Variants in MEP1A observed in about 807,000 individuals in gnomAD.
MEP1A encodes the protein meprin A subunit alpha, also known as N-benzoyl-L-tyrosyl-P-amino-benzoic acid hydrolase subunit alpha.
Under a neutral mutation model 84.5 loss-of-function variants are expected in MEP1A, and 68 were observed. The ratio of observed to expected loss-of-function variants is 0.80; its 90% confidence interval spans 0.66 to 0.98. The LOEUF (loss-of-function observed/expected upper bound fraction) is 0.98, where lower values mean the gene tolerates loss of function less well. Ranked by LOEUF, MEP1A falls within the 50% of genes least tolerant of loss-of-function variation. The pLI, the probability that MEP1A is intolerant of heterozygous loss-of-function variation, is 0.00. For synonymous variants in MEP1A, 337 were observed against 336.8 expected (o/e 1.00, Z -0.01); for missense variants, 887 against 919.9 (o/e 0.96, Z 0.46).
chr6:46,832,542 A>G (rs572068310), intron 10 of MEP1A, among the ~76,000 whole-genome samples: 1 of 152,356 alleles, frequency 6.6e-6, no homozygotes, highest in Admixed American at 6.5e-5. Flanking sequence ...TATAAGGAAG[A>G]GAAAAAAGTC....
intron 6 of MEP1A, among the ~76,000 whole-genome samples, chr6:46,809,998 T>G (rs1020852113): frequency 2.6e-5 from 4 of 152,022 alleles, no homozygotes; most frequent in African/African-American, 7.2e-5. Flanking sequence ...GATTGCTGGA[T>G]CAAATGGTAG....
At chr6:46,805,859 C>T (rs1027735301) in intron 5 of MEP1A, among the ~76,000 whole-genome samples, 1 of 151,902 alleles carries the variant, frequency 6.6e-6, no homozygotes, top group Non-Finnish European at 1.5e-5. Context: ...AAATATTTTT[C>T]TGTGTTTCTC....
rs1427312904 is a variant in MEP1A at position 46,807,820 on chromosome 6, AAAGAAAGAAAGAAAGAAAGG to A, written c.263-1592_263-1573del. Among the ~76,000 whole-genome samples the A allele has an allele frequency of 6.6e-4, 99 of 149,312 alleles. 1 individual carries two copies. The highest frequency in any genetic ancestry group is 9.4e-4 in the Non-Finnish European group (63 of 66,972). ...GAAAGAAAGAAAGAAAGAAAGAAAG[AAAGAAAGAAAGAAAGAAAGG>A]AAGAAAGGAAATAAATCAGTCAAAT... On this transcript the variant is annotated intron_variant, in intron 5 of 13. Coordinates refer to ENST00000230588, the MANE Select transcript of MEP1A (RefSeq NM_005588.3).
rs374111603 is a variant in MEP1A at position 46,810,534 on chromosome 6, C to T, written c.380+997C>T. On this transcript the variant is annotated intron_variant, in intron 6 of 13. Coordinates refer to ENST00000230588, the MANE Select transcript of MEP1A (RefSeq NM_005588.3). ...TGCTTTTAGCTTCTTGTCATGAAGTCTTTGCCTACGCCAATGTCTAGAAGG... is the reference window on the plus strand; with the variant it reads ...TGCTTTTAGCTTCTTGTCATGAAGTTTTTGCCTACGCCAATGTCTAGAAGG... Among the ~76,000 whole-genome samples the T allele has an allele frequency of 1.2e-4, 18 of 152,234 alleles. No homozygotes were observed. In the South Asian group the frequency reaches 3.5e-3, roughly 30 times the overall value.
Position 46,825,306 on chromosome 6 carries a change from C to G in MEP1A, c.591C>G (p.Ser197Arg). ...ACAACTTTGACACCTATGATGATAG[C>G]TTAATCACAGACCTCAATACACCCT... ...YQHNFDTYDD[S>R]LITDLNTPYD... Residue 197 changes from serine to arginine, a missense_variant, in exon 8 of 14, where the codon AGC becomes AGG. By Grantham distance (110) the Ser-to-Arg change is moderately radical. Transcript: ENST00000230588. The G allele has an allele frequency of 6.2e-7, 1 of 1,613,346 alleles. No homozygotes were observed. The highest frequency in any genetic ancestry group is 1.3e-5 in the African/African-American group (1 of 74,924).
At position 46,835,428 on chromosome 6, in the gene MEP1A, G is replaced by A. The variant is rs140317133; in HGVS notation, c.1963G>A (p.Val655Met). 1.5e-5 allele frequency: 24 copies of A among 1,612,326 alleles called. No homozygotes were observed. The African/African-American group carries it at 3.2e-4, about 21-fold the overall frequency. Residue 655 changes from valine (V) to methionine (M), a missense_variant, in exon 13 of 14, where the codon GTG becomes ATG. Coordinates refer to ENST00000230588, the MANE Select transcript of MEP1A (RefSeq NM_005588.3). ...GCAGCCCAGCCGACAGAAGCGGTCG[G>A]TGGAGAACACAGGCCCCCTGGAGGA... ...QGQPSRQKRS[V>M]ENTGPLEDHN...
At chr6:46,831,019 A>C (rs1768063217) in intron 10 of MEP1A, among the ~76,000 whole-genome samples, 1 of 152,230 alleles carries the variant, frequency 6.6e-6, no homozygotes, top group Non-Finnish European at 1.5e-5. Flanking sequence ...AAATCAATCA[A>C]GCAAACATCC....
chr6:46,800,312 T>C (rs9472866), intron 5 of MEP1A, among the ~76,000 whole-genome samples: 106,098 of 152,032 alleles, frequency 0.7, 38,044 homozygotes, highest in African/African-American at 0.86. Flanking sequence ...AGGTGTAAGG[T>C]AGTGCTTCTC....
At chr6:46,824,395 T>C (rs1767851467) in intron 7 of MEP1A, among the ~76,000 whole-genome samples, 1 of 147,628 alleles carries the variant, frequency 6.8e-6, no homozygotes, top group South Asian at 2.1e-4. Context: ...ATTACAATAT[T>C]ATATATGTTA....
chr6:46,808,212 C>T (rs773351246), intron 5 of MEP1A, among the ~76,000 whole-genome samples: 76 of 151,986 alleles, frequency 5.0e-4, no homozygotes, highest in Admixed American at 9.8e-4. Context: ...ACAGATGTAA[C>T]TAAGTAAGAA....
At chr6:46,813,430 A>G (rs1767553943) in intron 6 of MEP1A, among the ~76,000 whole-genome samples, 1 of 152,126 alleles carries the variant, frequency 6.6e-6, no homozygotes, top group African/African-American at 2.4e-5. Flanking sequence ...GCCTACATCA[A>G]AAGTCTGAAA....
At chr6:46,793,970 T>G (rs1440347329) in intron 3 of MEP1A, among the ~76,000 whole-genome samples, 2 of 152,064 alleles carry the variant, frequency 1.3e-5, no homozygotes, top group East Asian at 3.9e-4. Context: ...TTATAAAAAT[T>G]TTATTTTTCC....
At chr6:46,797,834 C>CTT (rs1313377732) in intron 3 of MEP1A, among the ~76,000 whole-genome samples, 17 of 145,400 alleles carry the variant, frequency 1.2e-4, no homozygotes, top group African/African-American at 3.6e-4. Context: ...TTCTTTCTTT[C>CTT]TTTCTCTCTC....
chr6:46,800,398 T>A lies in MEP1A; in HGVS notation c.262+1217T>A, dbSNP rs183417061. Among the ~76,000 whole-genome samples, 6 of 152,266 alleles carry A rather than the reference T, an allele frequency of 3.9e-5. No individual in the cohort carries two copies. In the East Asian group the frequency reaches 1.2e-3, roughly 29 times the overall value. On this transcript the variant is annotated intron_variant, in intron 5 of 13. Coordinates refer to ENST00000230588, the MANE Select transcript of MEP1A (RefSeq NM_005588.3). ...TAGGTCAGCGTTGGTGTGTGAGATG[T>A]TGCATGTCCAACGGTCCTCTAGTGA...
intron 3 of MEP1A, among the ~76,000 whole-genome samples, chr6:46,797,449 G>A (rs1767069155): frequency 6.6e-6 from 1 of 152,218 alleles, no homozygotes. Flanking sequence ...ACAGCAGTAG[G>A]AGAGTATATT....
intron 5 of MEP1A, among the ~76,000 whole-genome samples, chr6:46,800,986 C>G (rs1767186771): frequency 6.6e-6 from 1 of 152,046 alleles, no homozygotes; most frequent in African/African-American, 2.4e-5. Context: ...TGTAGATCAA[C>G]AGTAAATTCT....
rs149994637 is a variant in MEP1A at position 46,823,486 on chromosome 6, C to T, written c.557-1786C>T. On this transcript the variant is annotated intron_variant, in intron 7 of 13. Coordinates refer to ENST00000230588, the MANE Select transcript of MEP1A (RefSeq NM_005588.3). ...AATTAGCCAGGCGTGGTGCCACGTG[C>T]CTGTAATCCCAGCTACTCAGGAGGC... Among the ~76,000 whole-genome samples, 1,483 of 152,276 alleles carry T rather than the reference C, an allele frequency of 9.7e-3. 25 individuals carry two copies. The highest frequency in any genetic ancestry group is 0.034 in the African/African-American group (1,409 of 41,548).
chr6:46,832,243 A>G (rs1285250994), intron 10 of MEP1A, among the ~76,000 whole-genome samples: 1 of 152,184 alleles, frequency 6.6e-6, no homozygotes, highest in East Asian at 1.9e-4. Flanking sequence ...GTGCAAAAAT[A>G]TCAGTGTAGG....
downstream of MEP1A, among the ~76,000 whole-genome samples, chr6:46,844,348 T>G (rs1189747685): frequency 2.6e-5 from 4 of 152,104 alleles, no homozygotes; most frequent in Admixed American, 2.6e-4. Context: ...TGTGTGTGTG[T>G]GTATGTGTGT....
Sources: allele counts gnomAD v4.1 joint callset (sites outside exome capture counted in the v4.1 genomes callset), GRCh38; gene constraint gnomAD v4.1.1; transcripts MANE v1.5; gene names NCBI Gene and HGNC (gene_info 2026-07-23, HGNC 2026-07-21).